Variants in ESRRG observed in about 807,000 individuals in gnomAD.
The protein encoded by ESRRG is estrogen related receptor gamma.
ESRRG carries 13 observed loss-of-function variants against 44.0 expected under a neutral mutation model. That is an observed-to-expected ratio of 0.30 (90% CI 0.19 to 0.47). The LOEUF (loss-of-function observed/expected upper bound fraction) is 0.47. Among genes scored for constraint, ESRRG ranks in the 20% least tolerant of loss-of-function variants. ESRRG has a pLI of 1.00. For synonymous variants in ESRRG, 215 were observed against 214.6 expected (o/e 1.00, Z -0.02); for missense variants, 395 against 580.6 (o/e 0.68, Z 3.29).
intron 3 of ESRRG, among the ~76,000 whole-genome samples, chr1:216,640,939 G>A (rs905281716): frequency 6.6e-6 from 1 of 152,162 alleles, no homozygotes; most frequent in Non-Finnish European, 1.5e-5. Context: ...TCTAGTGCCT[G>A]AGCAAATGTT....
chr1:216,937,351 G>T (rs1013900959), intron 2 of ESRRG, among the ~76,000 whole-genome samples: 16 of 152,156 alleles, frequency 1.1e-4, no homozygotes, highest in South Asian at 2.1e-4. Context: ...AAGGAAGGGG[G>T]TAGCTACTCC....
intron 2 of ESRRG, among the ~76,000 whole-genome samples, chr1:216,924,303 C>G (rs1252796315): frequency 6.6e-6 from 1 of 152,162 alleles, no homozygotes; most frequent in Non-Finnish European, 1.5e-5. Flanking sequence ...AGTCTCTATC[C>G]TAACATGCAG....
intron 1 of ESRRG, among the ~76,000 whole-genome samples, chr1:216,686,439 C>CAAAAAA (rs58718125): frequency 3.7e-5 from 4 of 107,176 alleles, no homozygotes; most frequent in Non-Finnish European, 7.4e-5. Context: ...TATTGTTAAC[C>CAAAAAA]AAAAAAAAAA....
chr1:216,749,712 C>T (rs868777873), intron 2 of ESRRG, among the ~76,000 whole-genome samples: 15 of 152,088 alleles, frequency 9.9e-5, no homozygotes, highest in African/African-American at 3.6e-4. Context: ...CCATATTTTC[C>T]ATGATGATGA....
intron 2 of ESRRG, among the ~76,000 whole-genome samples, chr1:216,741,244 A>ATTTATAAT (rs1323407751): frequency 7.3e-6 from 1 of 137,884 alleles, no homozygotes; most frequent in Non-Finnish European, 1.6e-5. Context: ...TATAATTTAT[A>ATTTATAAT]TTATATAATT....
At chr1:217,089,071 C>G (rs2092268388) in intron 1 of ESRRG, among the ~76,000 whole-genome samples, 1 of 151,936 alleles carries the variant, frequency 6.6e-6, no homozygotes, top group Admixed American at 6.6e-5. Context: ...TGACAGCAGT[C>G]CTCAACTCCT....
chr1:216,671,338 G>C (rs1498288), intron 2 of ESRRG, among the ~76,000 whole-genome samples: 31,586 of 152,114 alleles, frequency 0.21, 4,208 homozygotes, highest in Non-Finnish European at 0.3. Context: ...TCATATAAAG[G>C]CACCATCAGT....
rs1033773626 is a variant in ESRRG, at chr1:216,668,084, G to A, written c.472+8992C>T. 3.9e-5 allele frequency among the ~76,000 whole-genome samples: 6 copies of A among 152,080 alleles called. No homozygotes were observed. The South Asian group carries it at 1.0e-3, about 26-fold the overall frequency. Reference sequence around the variant, plus strand: ...TGCACTCCAGCCTGGGTGACAGAACGAGACTCCATCTCAAAAAATAAATAA... The same window carrying A: ...TGCACTCCAGCCTGGGTGACAGAACAAGACTCCATCTCAAAAAATAAATAA... On this transcript the variant is annotated intron_variant, in intron 2 of 6. Coordinates refer to ENST00000408911, the MANE Select transcript of ESRRG (RefSeq NM_001438.4).
At chr1:216,889,217 A>G (rs1577715664) in intron 2 of ESRRG, among the ~76,000 whole-genome samples, 1 of 152,294 alleles carries the variant, frequency 6.6e-6, no homozygotes, top group South Asian at 2.1e-4. Context: ...GACTCTCCAC[A>G]CTGAGAGATC....
intron 2 of ESRRG, among the ~76,000 whole-genome samples, chr1:216,730,169 C>T (rs1043805929): frequency 7.9e-5 from 12 of 151,966 alleles, no homozygotes; most frequent in African/African-American, 2.4e-4. Context: ...ACTATACTAG[C>T]GCATAGAACT....
At chr1:216,554,122 G>C (rs2057001298) in intron 5 of ESRRG, among the ~76,000 whole-genome samples, 3 of 152,050 alleles carry the variant, frequency 2.0e-5, no homozygotes, top group Non-Finnish European at 1.5e-5. Context: ...ATTTCTGTAA[G>C]AGTCTAGTGC....
At chr1:216,755,595 C>T (rs1051091298) in intron 2 of ESRRG, among the ~76,000 whole-genome samples, 1 of 151,936 alleles carries the variant, frequency 6.6e-6, no homozygotes, top group Non-Finnish European at 1.5e-5. Context: ...ACATGGTCCC[C>T]ACATATAAGG....
At chr1:216,565,439 C>A (rs1489614158) in intron 4 of ESRRG, among the ~76,000 whole-genome samples, 1 of 152,172 alleles carries the variant, frequency 6.6e-6, no homozygotes, top group Non-Finnish European at 1.5e-5. Context: ...TTCTTGTGAA[C>A]ACAGCCAAAG....
At chr1:216,892,767 A>T (rs965632111) in intron 2 of ESRRG, among the ~76,000 whole-genome samples, 2 of 152,166 alleles carry the variant, frequency 1.3e-5, no homozygotes, top group African/African-American at 4.8e-5. Context: ...GCACTCAGCT[A>T]TTACAGCAAT....
intron 5 of ESRRG, among the ~76,000 whole-genome samples, chr1:216,552,631 AAG>A (rs1030470452): frequency 2.0e-5 from 3 of 152,164 alleles, no homozygotes; most frequent in African/African-American, 7.2e-5. Context: ...TGGCAATACC[AAG>A]ATTTGAATGA....
chr1:216,577,276 T>G (rs918411588), intron 3 of ESRRG, among the ~76,000 whole-genome samples: 1 of 152,046 alleles, frequency 6.6e-6, no homozygotes, highest in African/African-American at 2.4e-5. Flanking sequence ...TCCTTCTTTT[T>G]GCCTGCTAAA....
intron 3 of ESRRG, among the ~76,000 whole-genome samples, chr1:216,603,956 A>AAAAC (rs2059599323): frequency 2.6e-5 from 4 of 152,040 alleles, no homozygotes; most frequent in African/African-American, 9.7e-5. Flanking sequence ...AAAAAAAAAA[A>AAAAC]AAAAAAGGAA....
intron 2 of ESRRG, among the ~76,000 whole-genome samples, chr1:216,748,662 G>A (rs1052130311): frequency 6.6e-6 from 1 of 152,084 alleles, no homozygotes; most frequent in East Asian, 1.9e-4. Flanking sequence ...TGATTTTTTT[G>A]TGGGGAATAT....
At chr1:216,903,891 G>C (rs2059382977) in intron 2 of ESRRG, among the ~76,000 whole-genome samples, 1 of 152,064 alleles carries the variant, frequency 6.6e-6, no homozygotes, top group Admixed American at 6.6e-5. Context: ...TTGGACACTT[G>C]AGCATTTGTT....
Sources: allele counts gnomAD v4.1 joint callset (sites outside exome capture counted in the v4.1 genomes callset), GRCh38; gene constraint gnomAD v4.1.1; transcripts MANE v1.5; gene names NCBI Gene and HGNC (gene_info 2026-07-23, HGNC 2026-07-21).